NRM: variants seen among roughly 807,000 people sequenced by gnomAD.
NRM encodes the protein nuclear rim protein.
Under a neutral mutation model 23.4 loss-of-function variants are expected in NRM, and 19 were observed. The observed-to-expected ratio is 0.81, with a 90% CI of 0.57 to 1.19. The LOEUF (loss-of-function observed/expected upper bound fraction) is 1.19. Ranked by LOEUF, NRM falls within the 50% of genes most tolerant of loss-of-function variation. NRM has a pLI of 0.00. For synonymous variants in NRM, 140 were observed against 143.5 expected, an observed-to-expected ratio of 0.98 and a Z score of 0.17; for missense variants, 232 against 329.7, an observed-to-expected ratio of 0.70 and a Z score of 2.30.
At position 30,690,632 on chromosome 6, in the gene NRM, T is replaced by C. The variant is rs1771520065; in HGVS notation, c.133+210A>G. 1 of 1,565,632 alleles carries C rather than the reference T, an allele frequency of 6.4e-7. No homozygotes were observed. Among genetic ancestry groups the C allele is most frequent in the East Asian group, 2.4e-5 (1 of 41,294 alleles). On this transcript the variant is annotated intron_variant, in intron 1 of 3. Transcript: ENST00000376421. The surrounding 1 kb of genome is among the most constrained non-coding windows in gnomAD (Gnocchi z 5.5). Reference sequence around the variant, plus strand: ...TCACCGCCCTTTTCGGCTCCCTCAGTCCTCACTCTCCCGCCTCTCCAAAAC... The same window carrying C: ...TCACCGCCCTTTTCGGCTCCCTCAGCCCTCACTCTCCCGCCTCTCCAAAAC...
chr6:30,690,396 C>T lies in NRM; in HGVS notation c.134-153G>A. ...TCTAGGCTGTGCCCATCTCACTTTTCCATCCCTAGTTTCTGCCCTCTTCCC... is the reference window on the plus strand; with the variant it reads ...TCTAGGCTGTGCCCATCTCACTTTTTCATCCCTAGTTTCTGCCCTCTTCCC... On this transcript the variant is annotated intron_variant, in intron 1 of 3. Coordinates refer to ENST00000376421, the MANE Select transcript of NRM (RefSeq NM_001384369.1). The surrounding 1 kb of genome is among the most constrained non-coding windows in gnomAD (Gnocchi z 5.5). The T allele has an allele frequency of 9.5e-7, 1 of 1,054,168 alleles. No homozygotes were observed. The highest frequency in any genetic ancestry group is 1.3e-6 in the Non-Finnish European group (1 of 744,742). 65.3% of individuals were successfully genotyped at this position (1,054,168 alleles called of 1,614,324 possible). A position where few individuals can be genotyped will look rare whatever the true frequency, so the allele number is the denominator to read the frequency against.
Position 30,689,482 on chromosome 6 carries a change from A to T in NRM, c.331-30T>A, listed in dbSNP as rs1465664243. On this transcript the variant is annotated intron_variant, in intron 2 of 3. Transcript: ENST00000376421. The surrounding 1 kb of genome is among the most constrained non-coding windows in gnomAD (Gnocchi z 4.7). The stretch of plus-strand genomic sequence containing the variant: ...GGAAGGATAAGGGGCTGGGTATCCC[A>T]GTGGCCTAGTCTGCCCGACCTTGGG... 2.6e-6 allele frequency: 4 copies of T among 1,541,582 alleles called. No homozygotes were observed. The highest frequency in any genetic ancestry group is 3.5e-6 in the Non-Finnish European group (4 of 1,142,814).
At position 30,690,389 on chromosome 6, in the gene NRM, C is replaced by A; in HGVS notation, c.134-146G>T. ...CTTCCTCTCTAGGCTGTGCCCATCT[C>A]ACTTTTCCATCCCTAGTTTCTGCCC... On this transcript the variant is annotated intron_variant, in intron 1 of 3. Coordinates refer to ENST00000376421, the MANE Select transcript of NRM (RefSeq NM_001384369.1). This position sits in a 1 kb window ranked among gnomAD's most constrained non-coding sequence, Gnocchi z 5.5. 9.5e-7 allele frequency: 1 copy of A among 1,052,652 alleles called. No homozygotes were observed. The allele number at this position is 1,052,652 out of a possible 1,614,324, so 65.2% of individuals were successfully genotyped here. A position where few individuals can be genotyped will look rare whatever the true frequency, so the allele number is the denominator to read the frequency against.
chr6:30,690,313 T>G lies in NRM; in HGVS notation c.134-70A>C. The G allele has an allele frequency of 7.4e-7, 1 of 1,342,600 alleles. No individual in the cohort carries two copies. The highest frequency in any genetic ancestry group is 1.0e-6 in the Non-Finnish European group (1 of 988,494). 83.2% of individuals were successfully genotyped at this position (1,342,600 alleles called of 1,614,324 possible). ...GCAGAATGTTTCCCCCACCCTCATC[T>G]CCTCTTGGATCCCCAGGCCATGTCC... On this transcript the variant is annotated intron_variant, in intron 1 of 3. Coordinates refer to ENST00000376421, the MANE Select transcript of NRM (RefSeq NM_001384369.1). The surrounding 1 kb of genome is among the most constrained non-coding windows in gnomAD (Gnocchi z 5.5).
rs757552794 is a variant in NRM, at chr6:30,690,831, C to T, written c.133+11G>A. 28 of 1,612,964 alleles carry T rather than the reference C, an allele frequency of 1.7e-5. No individual in the cohort carries two copies. The highest frequency in any genetic ancestry group is 2.3e-5 in the Non-Finnish European group (27 of 1,180,026). On this transcript the variant is annotated intron_variant, in intron 1 of 3. Transcript: ENST00000376421. This position sits in a 1 kb window ranked among gnomAD's most constrained non-coding sequence, Gnocchi z 5.5. Reference sequence around the variant, plus strand: ...CCTCCTCCCAGTTCATCCTCGATCCCTCCCGCTCACCCGGACCACCAGACT... The same window carrying T: ...CCTCCTCCCAGTTCATCCTCGATCCTTCCCGCTCACCCGGACCACCAGACT...
Position 30,690,432 on chromosome 6 carries a change from G to T in NRM, c.134-189C>A. 2 of 1,176,484 alleles carry T rather than the reference G, an allele frequency of 1.7e-6. No individual in the cohort carries two copies. Among genetic ancestry groups the T allele is most frequent in the Non-Finnish European group, 2.3e-6 (2 of 853,168 alleles). The allele number at this position is 1,176,484 out of a possible 1,614,324, so 72.9% of individuals were successfully genotyped here. ...TTCTGCCCTCTTCCCTAGGCCTCCT[G>T]CAAACCTGGGGAAGAGGATTTATAG... is the stretch of plus-strand genomic sequence containing the variant. On this transcript the variant is annotated intron_variant, in intron 1 of 3. Transcript: ENST00000376421. The surrounding 1 kb of genome is among the most constrained non-coding windows in gnomAD (Gnocchi z 5.5).
At position 30,688,412 on chromosome 6, in the gene NRM, G is replaced by T. The variant is rs1410627075; in HGVS notation, c.*249C>A. On this transcript the variant is annotated 3_prime_UTR_variant, in exon 4 of 4. Coordinates refer to ENST00000376421, the MANE Select transcript of NRM (RefSeq NM_001384369.1). The surrounding 1 kb of genome is among the most constrained non-coding windows in gnomAD (Gnocchi z 5.9). ...GGGAGAGTGTCATGCTCTAAACAGT[G>T]AAGGGACAGATGACTTCCATACCCC... is the stretch of plus-strand genomic sequence containing the variant. The T allele has an allele frequency of 1.7e-6, 1 of 590,188 alleles. No homozygotes were observed. The highest frequency in any genetic ancestry group is 3.0e-6 in the Non-Finnish European group (1 of 332,260). The allele number at this position is 590,188 out of a possible 1,614,324, so 36.6% of individuals were successfully genotyped here.
In NRM at chr6:30,690,570, G is replaced by A. The variant is rs747157077; in HGVS notation, c.133+272C>T. 1 of 1,542,972 alleles carries A rather than the reference G, an allele frequency of 6.5e-7. No individual in the cohort carries two copies. The highest frequency in any genetic ancestry group is 8.8e-7 in the Non-Finnish European group (1 of 1,142,544). On this transcript the variant is annotated intron_variant, in intron 1 of 3. Coordinates refer to ENST00000376421, the MANE Select transcript of NRM (RefSeq NM_001384369.1). This position sits in a 1 kb window ranked among gnomAD's most constrained non-coding sequence, Gnocchi z 5.5. ...TCTTTTTAACACTCTCCTCTCAACA[G>A]TCCTCTCTACAAAACACTTTACTTA...
At position 30,690,421 on chromosome 6, in the gene NRM, C is replaced by T. The variant is rs898628917; in HGVS notation, c.134-178G>A. 1.1e-4 allele frequency: 121 copies of T among 1,117,910 alleles called. 7 individuals carry two copies. The highest frequency in any genetic ancestry group is 7.0e-4 in the East Asian group (27 of 38,814). The allele number at this position is 1,117,910 out of a possible 1,614,324, so 69.2% of individuals were successfully genotyped here. A position where few individuals can be genotyped will look rare whatever the true frequency, so the allele number is the denominator to read the frequency against. ...CCATCCCTAGTTTCTGCCCTCTTCCCTAGGCCTCCTGCAAACCTGGGGAAG... is the reference window on the plus strand; with the variant it reads ...CCATCCCTAGTTTCTGCCCTCTTCCTTAGGCCTCCTGCAAACCTGGGGAAG... On this transcript the variant is annotated intron_variant, in intron 1 of 3. Transcript: ENST00000376421. This position sits in a 1 kb window ranked among gnomAD's most constrained non-coding sequence, Gnocchi z 5.5.
At position 30,688,919 on chromosome 6, in the gene NRM, C is replaced by G. The variant is rs1583015875; in HGVS notation, c.531G>C (p.Leu177=). 2 of 1,613,154 alleles carry G rather than the reference C, an allele frequency of 1.2e-6. No homozygotes were observed. The highest frequency in any genetic ancestry group is 1.7e-5 in the Admixed American group (1 of 59,988). Residue 177 remains leucine (L), a synonymous_variant, in exon 4 of 4, where the codon CTG becomes CTC. Coordinates refer to ENST00000376421, the MANE Select transcript of NRM (RefSeq NM_001384369.1). The surrounding 1 kb of genome is among the most constrained non-coding windows in gnomAD (Gnocchi z 5.9). ...GAGACTTCAGGGCCAGAGGCTCGCC[C>G]AGCCCCAGCACATGGTAGTATACCT... The part of the protein sequence containing the change: ...LKQVYYHVLG[L]GEPLALKSPR...
Position 30,690,732 on chromosome 6 carries a change from G to A in NRM, c.133+110C>T, listed in dbSNP as rs748031375. The A allele has an allele frequency of 3.4e-5, 54 of 1,611,164 alleles. No individual in the cohort carries two copies. The South Asian group carries it at 4.8e-4, about 14-fold the overall frequency. On this transcript the variant is annotated intron_variant, in intron 1 of 3. Transcript: ENST00000376421. This position sits in a 1 kb window ranked among gnomAD's most constrained non-coding sequence, Gnocchi z 5.5. ...CTTCTCGGCCGCTTTCAAGGTTCGAGTTCCCTCTCTTGGACTTCCCCTGTC... is the reference window on the plus strand; with the variant it reads ...CTTCTCGGCCGCTTTCAAGGTTCGAATTCCCTCTCTTGGACTTCCCCTGTC...
In NRM at chr6:30,688,849, C is replaced by A. The variant is rs759817925; in HGVS notation, c.601G>T (p.Val201Leu). ...ACCCACAGCACTGTCAGCAGCTCCA[C>A]ACACACTGGGTGGCGCAGGTGGGAG... ...LFSHLRHPVC[V>L]ELLTVLWVVP... Residue 201 changes from valine to leucine, a missense_variant, in exon 4 of 4, where the codon GTG becomes TTG. Transcript: ENST00000376421. The surrounding 1 kb of genome is among the most constrained non-coding windows in gnomAD (Gnocchi z 5.9). 4 of 1,613,828 alleles carry A rather than the reference C, an allele frequency of 2.5e-6. No individual in the cohort carries two copies. In the African/African-American group the frequency reaches 4.0e-5, roughly 16 times the overall value.
chr6:30,688,617 T>A lies in NRM; in HGVS notation c.*44A>T, dbSNP rs770495495. The A allele has an allele frequency of 6.3e-7, 1 of 1,588,628 alleles. No individual in the cohort carries two copies. Among genetic ancestry groups the A allele is most frequent in the South Asian group, 1.1e-5 (1 of 87,176 alleles). ...GGCCTGGATGTTAAGGATTTAGAAT[T>A]CAGTGGGAGAGGAAGAACAGGGCTT... is the stretch of plus-strand genomic sequence containing the variant. On this transcript the variant is annotated 3_prime_UTR_variant, in exon 4 of 4. Coordinates refer to ENST00000376421, the MANE Select transcript of NRM (RefSeq NM_001384369.1). This position sits in a 1 kb window ranked among gnomAD's most constrained non-coding sequence, Gnocchi z 5.9.
upstream of NRM, chr6:30,691,105 C>A: frequency 9.3e-7 from 1 of 1,074,904 alleles, no homozygotes; most frequent in South Asian, 1.6e-5. Flanking sequence ...GCCAGGCTTC[C>A]GGCCCGCCTG....
Position 30,689,180 on chromosome 6 carries a change from G to A in NRM, c.507+96C>T. 7.9e-7 allele frequency: 1 copy of A among 1,265,710 alleles called. No individual in the cohort carries two copies. Among genetic ancestry groups the A allele is most frequent in the Non-Finnish European group, 1.1e-6 (1 of 924,650 alleles). The allele number at this position is 1,265,710 out of a possible 1,614,324, so 78.4% of individuals were successfully genotyped here. On this transcript the variant is annotated intron_variant, in intron 3 of 3. Transcript: ENST00000376421. This position sits in a 1 kb window ranked among gnomAD's most constrained non-coding sequence, Gnocchi z 4.7. The stretch of plus-strand genomic sequence containing the variant: ...AAGGGCCACGAGGGAGAAGCAGGGA[G>A]ACAGTAGAAGAGCATGGGAGGAGGG...
Position 30,690,803 on chromosome 6 carries a change from C to T in NRM, c.133+39G>A, listed in dbSNP as rs1379538960. 3 of 1,612,874 alleles carry T rather than the reference C, an allele frequency of 1.9e-6. No individual in the cohort carries two copies. Among genetic ancestry groups the T allele is most frequent in the Non-Finnish European group, 2.5e-6 (3 of 1,179,880 alleles). On this transcript the variant is annotated intron_variant, in intron 1 of 3. Transcript: ENST00000376421. This position sits in a 1 kb window ranked among gnomAD's most constrained non-coding sequence, Gnocchi z 5.5. ...CTCAATCCCTCTCCTACGGCTCCAC[C>T]TTCCTCCTCCCAGTTCATCCTCGAT...
chr6:30,689,947 C>T lies in NRM; in HGVS notation c.330+100G>A. 8.4e-7 allele frequency: 1 copy of T among 1,188,200 alleles called. No homozygotes were observed. Among genetic ancestry groups the T allele is most frequent in the Non-Finnish European group, 1.2e-6 (1 of 837,634 alleles). 73.6% of individuals were successfully genotyped at this position (1,188,200 alleles called of 1,614,324 possible). A position where few individuals can be genotyped will look rare whatever the true frequency, so the allele number is the denominator to read the frequency against. On this transcript the variant is annotated intron_variant, in intron 2 of 3. Transcript: ENST00000376421. The surrounding 1 kb of genome is among the most constrained non-coding windows in gnomAD (Gnocchi z 4.7). The stretch of plus-strand genomic sequence containing the variant: ...AGTTCCTCAATTCTCCTCCTGAACC[C>T]ATATTTTGCCCCTCCAATCCACGGC...
upstream of NRM, chr6:30,691,145 C>T: frequency 1.5e-6 from 1 of 668,418 alleles, no homozygotes; most frequent in East Asian, 2.8e-5. Context: ...GCTGTGGATC[C>T]GTCCTGGGAT....
In NRM at chr6:30,690,427, C is replaced by G; in HGVS notation, c.134-184G>C. ...CTAGTTTCTGCCCTCTTCCCTAGGC[C>G]TCCTGCAAACCTGGGGAAGAGGATT... On this transcript the variant is annotated intron_variant, in intron 1 of 3. Transcript: ENST00000376421. This position sits in a 1 kb window ranked among gnomAD's most constrained non-coding sequence, Gnocchi z 5.5. 8.8e-7 allele frequency: 1 copy of G among 1,139,494 alleles called. No homozygotes were observed. The highest frequency in any genetic ancestry group is 1.2e-6 in the Non-Finnish European group (1 of 819,784). 70.6% of individuals were successfully genotyped at this position (1,139,494 alleles called of 1,614,324 possible). A position where few individuals can be genotyped will look rare whatever the true frequency, so the allele number is the denominator to read the frequency against.
Sources: gnomAD v4.1 joint callset for allele counts on GRCh38, gnomAD v4.1.1 for gene constraint, Gnocchi (gnomAD v3.1) non-coding constraint, MANE v1.5 for transcripts, NCBI Gene and HGNC (gene_info 2026-07-23, HGNC 2026-07-21) for gene names.